LRRC49: variants seen among roughly 807,000 people sequenced by gnomAD.
LRRC49 encodes leucine-rich repeat-containing protein 49.
In LRRC49, 50 loss-of-function variants were observed where a neutral mutation model predicts 83.3. The ratio of observed to expected loss-of-function variants is 0.60; its 90% CI spans 0.48 to 0.76. The LOEUF is 0.76. Ranked by LOEUF, LRRC49 falls within the 30% of genes least tolerant of loss-of-function variation. The pLI, the probability that LRRC49 is intolerant of heterozygous loss-of-function variation, is 0.00. For missense variants in LRRC49, 704 were observed against 809.1 expected, an observed-to-expected ratio of 0.87 and a Z score of 1.58; for synonymous variants, 286 against 283.3, an observed-to-expected ratio of 1.01 and a Z score of -0.10.
chr15:70,854,969 G>T (rs546365750), intron 1 of LRRC49, among the ~76,000 whole-genome samples: 1 of 152,254 alleles, frequency 6.6e-6, no homozygotes, highest in African/African-American at 2.4e-5. Context: ...ACCTTTTCAC[G>T]TGTAACTTCA....
intron 14 of LRRC49, among the ~76,000 whole-genome samples, chr15:71,034,412 G>T (rs919108512): frequency 1.4e-4 from 22 of 152,182 alleles, no homozygotes; most frequent in African/African-American, 5.3e-4. Context: ...TGGAGAAATA[G>T]GAATGCTTTT....
intron 11 of LRRC49, among the ~76,000 whole-genome samples, chr15:71,000,606 T>C (rs2038223182): frequency 6.6e-6 from 1 of 152,212 alleles, no homozygotes; most frequent in South Asian, 2.1e-4. Flanking sequence ...TGCCACATTT[T>C]AGTTTGCCCC....
intron 11 of LRRC49, among the ~76,000 whole-genome samples, chr15:71,002,507 G>A (rs2038295197): frequency 6.6e-6 from 1 of 151,880 alleles, no homozygotes; most frequent in Non-Finnish European, 1.5e-5. Context: ...AGTACTTGGT[G>A]TAATGTTTTT....
upstream of LRRC49, among the ~76,000 whole-genome samples, chr15:70,889,668 A>G (rs2033503054): frequency 6.6e-6 from 1 of 152,216 alleles, no homozygotes; most frequent in South Asian, 2.1e-4. Flanking sequence ...GTGGTGTCTT[A>G]TCTTTTTGGA....
intron 15 of LRRC49, chr15:71,048,704 T>C (rs1420306885): frequency 4.6e-6 from 2 of 431,582 alleles, no homozygotes; most frequent in Non-Finnish European, 9.2e-6. Context: ...GTCTCTGTGA[T>C]GAAATTGGGG....
intron 11 of LRRC49, among the ~76,000 whole-genome samples, chr15:71,002,442 A>AG (rs1299111971): frequency 3.3e-5 from 5 of 152,162 alleles, no homozygotes; most frequent in Non-Finnish European, 7.4e-5. Flanking sequence ...TACTTGGGAC[A>AG]GCTCTACAGT....
At chr15:70,951,465 G>C (rs891528191) in intron 8 of LRRC49, among the ~76,000 whole-genome samples, 5 of 152,020 alleles carry the variant, frequency 3.3e-5, no homozygotes, top group Non-Finnish European at 5.9e-5. Flanking sequence ...GCTCATTGTA[G>C]ACATCTTTCC....
intron 7 of LRRC49, among the ~76,000 whole-genome samples, chr15:70,936,288 T>C (rs1317430330): frequency 1.3e-5 from 2 of 152,210 alleles, no homozygotes; most frequent in East Asian, 3.9e-4. Flanking sequence ...TTGTAACTGA[T>C]GGTTTATTTC....
chr15:71,052,808 C>T lies in LRRC49; in HGVS notation c.*3196C>T, dbSNP rs1307373621. Reference sequence around the variant, plus strand: ...TTCAACCAATAAATAGTAGACAGTACCCACATTCACTGTTAGTCTTAAGGA... The same window carrying T: ...TTCAACCAATAAATAGTAGACAGTATCCACATTCACTGTTAGTCTTAAGGA... On this transcript the variant is annotated 3_prime_UTR_variant, in exon 16 of 16. Transcript: ENST00000260382. 2 of 152,046 alleles carry T rather than the reference C, an allele frequency of 1.3e-5. No homozygotes were observed. Among genetic ancestry groups the T allele is most frequent in the Non-Finnish European group, 2.9e-5 (2 of 68,022 alleles). 9.4% of individuals were successfully genotyped at this position (152,046 alleles called of 1,614,324 possible). A position where few individuals can be genotyped will look rare whatever the true frequency, so the allele number is the denominator to read the frequency against.
chr15:70,953,119 G>A (rs1355886699), intron 8 of LRRC49, among the ~76,000 whole-genome samples: 2 of 152,120 alleles, frequency 1.3e-5, no homozygotes, highest in Admixed American at 6.5e-5. Flanking sequence ...GGGGCATTTA[G>A]TCCATTTAAA....
In LRRC49 at chr15:70,883,819, TA is replaced by T. The variant is rs571004040; in HGVS notation, c.19-9763del. On this transcript the variant is annotated intron_variant, in intron 2 of 16. Coordinates refer to the LRRC49 transcript ENST00000544974. Reference sequence around the variant, plus strand: ...ACAGGTGCCTGCCACCATGCCTGGCTAATTTTTTGTATTTTTAGTAGAGACA... The same window carrying T: ...ACAGGTGCCTGCCACCATGCCTGGCTATTTTTTGTATTTTTAGTAGAGACA... Among the ~76,000 whole-genome samples, 364 of 151,720 alleles carry T rather than the reference TA, an allele frequency of 2.4e-3. 1 individual carries two copies. Among genetic ancestry groups the T allele is most frequent in the Middle Eastern group, 0.01 (3 of 294 alleles).
At chr15:70,921,286 T>C (rs1358602321) in intron 7 of LRRC49, among the ~76,000 whole-genome samples, 1 of 152,178 alleles carries the variant, frequency 6.6e-6, no homozygotes, top group African/African-American at 2.4e-5. Context: ...CCATTTCTTT[T>C]TTCCCTCTGA....
intron 4 of LRRC49, among the ~76,000 whole-genome samples, chr15:70,901,733 TGTTCCA>T (rs2034089718): frequency 6.6e-6 from 1 of 152,224 alleles, no homozygotes; most frequent in Non-Finnish European, 1.5e-5. Context: ...CTAGAATATA[TGTTCCA>T]TAAGCACAGA....
At chr15:70,871,397 C>A (rs984839641) in intron 1 of LRRC49, among the ~76,000 whole-genome samples, 2 of 152,204 alleles carry the variant, frequency 1.3e-5, no homozygotes, top group Non-Finnish European at 2.9e-5. Flanking sequence ...TTCCTTTCCC[C>A]ACATTTCCCC....
chr15:71,014,619 C>T (rs1046514676), intron 14 of LRRC49, among the ~76,000 whole-genome samples: 2 of 151,970 alleles, frequency 1.3e-5, no homozygotes, highest in Non-Finnish European at 2.9e-5. Context: ...AACTAAATGC[C>T]AACAACAAAC....
intron 2 of LRRC49, among the ~76,000 whole-genome samples, chr15:70,883,278 G>A (rs183380034): frequency 2.6e-5 from 4 of 151,620 alleles, no homozygotes; most frequent in East Asian, 1.9e-4. Context: ...TGCAATCTCC[G>A]CCTGCCGGGT....
intron 9 of LRRC49, among the ~76,000 whole-genome samples, chr15:70,975,686 C>T (rs184442212): frequency 2.8e-4 from 43 of 152,136 alleles, no homozygotes; most frequent in African/African-American, 9.9e-4. Context: ...GAATGAGATC[C>T]TGTCTCAAAA....
At chr15:71,040,863 T>C (rs1362605973) in intron 15 of LRRC49, among the ~76,000 whole-genome samples, 2 of 149,490 alleles carry the variant, frequency 1.3e-5, no homozygotes, top group Non-Finnish European at 3.0e-5. Context: ...CCCTGAAAGA[T>C]TTTTCTGTTG....
chr15:70,942,620 A>G (rs2035860759), intron 8 of LRRC49, among the ~76,000 whole-genome samples: 1 of 152,200 alleles, frequency 6.6e-6, no homozygotes. Context: ...AAATATTTGA[A>G]GAGATTTATT....
Sources: gnomAD v4.1 joint callset for allele counts (sites outside exome capture counted in the v4.1 genomes callset) on GRCh38, gnomAD v4.1.1 for gene constraint, MANE v1.5 for transcripts, NCBI Gene and HGNC (gene_info 2026-07-23, HGNC 2026-07-21) for gene names.